Variants in RASA3 observed in about 807,000 individuals in gnomAD.
The protein encoded by RASA3 is ras GTPase-activating protein 3.
RASA3 carries 73 observed loss-of-function variants against 110.0 expected under a neutral mutation model. That is an observed-to-expected ratio of 0.66 (90% CI 0.55 to 0.81). The LOEUF (loss-of-function observed/expected upper bound fraction) is 0.81, where lower values mean the gene tolerates loss of function less well. RASA3 is among the 30% of genes least tolerant of loss of function. The pLI, the probability that RASA3 is intolerant of heterozygous loss-of-function variation, is 0.00. For missense variants in RASA3, 976 were observed against 1,113.2 expected, an observed-to-expected ratio of 0.88 and a Z score of 1.75; for synonymous variants, 500 against 451.4, an observed-to-expected ratio of 1.11 and a Z score of -1.37.
chr13:114,002,342 G>A (rs1344735255), intron 18 of RASA3, among the ~76,000 whole-genome samples: 3 of 152,224 alleles, frequency 2.0e-5, no homozygotes, highest in African/African-American at 7.2e-5. Flanking sequence ...AGGGCGGGGC[G>A]CTGGGAGCCG....
At chr13:114,025,842 C>A (rs916056176) in intron 7 of RASA3, among the ~76,000 whole-genome samples, 4 of 152,334 alleles carry the variant, frequency 2.6e-5, no homozygotes, top group South Asian at 4.1e-4. Flanking sequence ...CCACAGCCCG[C>A]GGGGGATGTG....
chr13:114,044,807 A>C (rs1264169505), intron 3 of RASA3, among the ~76,000 whole-genome samples: 1 of 152,014 alleles, frequency 6.6e-6, no homozygotes, highest in African/African-American at 2.4e-5. Context: ...TCAGTTTTGA[A>C]GTCTGAAGTT....
In RASA3 at chr13:114,115,698, G is replaced by C. The variant is rs370033905; in HGVS notation, c.55+16737C>G. Among the ~76,000 whole-genome samples, 2 of 152,028 alleles carry C rather than the reference G, an allele frequency of 1.3e-5. No individual in the cohort carries two copies. Among genetic ancestry groups the C allele is most frequent in the Non-Finnish European group, 2.9e-5 (2 of 68,010 alleles). ...TTTACCCTACAAACGCTCTCTAACC[G>C]GTCCAGAGGTCAGAAACAGCCGCAG... On this transcript the variant is annotated intron_variant, in intron 1 of 23. Transcript: ENST00000334062. The surrounding 1 kb of genome is among the most constrained non-coding windows in gnomAD (Gnocchi z 5.0).
chr13:114,062,014 G>C (rs2079361332), intron 2 of RASA3, among the ~76,000 whole-genome samples: 1 of 152,090 alleles, frequency 6.6e-6, no homozygotes, highest in African/African-American at 2.4e-5. Context: ...GAAAAGGCGG[G>C]GGTCGGACTG....
chr13:114,043,096 G>A (rs1403825099), intron 3 of RASA3, among the ~76,000 whole-genome samples: 4 of 152,044 alleles, frequency 2.6e-5, no homozygotes, highest in African/African-American at 7.2e-5. Context: ...CTCAGAGCCC[G>A]TGGGCCTGGG....
At position 114,038,325 on chromosome 13, in the gene RASA3, C is replaced by A. The variant is rs943479309; in HGVS notation, c.372+2675G>T. On this transcript the variant is annotated intron_variant, in intron 4 of 23. Coordinates refer to ENST00000334062, the MANE Select transcript of RASA3 (RefSeq NM_007368.4). Reference sequence around the variant, plus strand: ...GGGAAACCCCGCCTTTCTGCCGGGACGCCAAGGTCCGTGGGAGCAGCACGC... The same window carrying A: ...GGGAAACCCCGCCTTTCTGCCGGGAAGCCAAGGTCCGTGGGAGCAGCACGC... Among the ~76,000 whole-genome samples, 3 of 152,260 alleles carry A rather than the reference C, an allele frequency of 2.0e-5. No individual in the cohort carries two copies. The South Asian group carries it at 6.2e-4, about 31-fold the overall frequency.
chr13:114,036,294 T>C (rs1048292186), intron 4 of RASA3: 1 of 152,276 alleles, frequency 6.6e-6, no homozygotes, highest in Non-Finnish European at 1.5e-5. Flanking sequence ...ACAGTGGCCG[T>C]TCCAGAAGGA....
At chr13:114,002,793 C>T (rs1324960970) in intron 18 of RASA3, among the ~76,000 whole-genome samples, 3 of 152,280 alleles carry the variant, frequency 2.0e-5, no homozygotes, top group African/African-American at 4.8e-5. Context: ...GTTTTCTAAC[C>T]GGGCCCATCG....
intron 22 of RASA3, among the ~76,000 whole-genome samples, chr13:113,992,031 A>G (rs1566447948): frequency 6.7e-6 from 1 of 150,252 alleles, no homozygotes; most frequent in Admixed American, 6.6e-5. Flanking sequence ...ACACATCCAC[A>G]CTCATACATG....
intron 1 of RASA3, among the ~76,000 whole-genome samples, chr13:114,082,774 G>A (rs542588211): frequency 1.1e-4 from 16 of 152,204 alleles, no homozygotes; most frequent in Non-Finnish European, 2.4e-4. Context: ...CCCAACAGAG[G>A]TTTAACAACC....
Position 114,015,217 on chromosome 13 carries a change from C to T in RASA3, c.1397G>A (p.Arg466His), listed in dbSNP as rs2274718. 6.1e-5 allele frequency: 98 copies of T among 1,612,872 alleles called. 1 individual carries two copies. In the East Asian group the frequency reaches 1.5e-3, roughly 25 times the overall value. Residue 466 changes from arginine (R) to histidine (H), a missense_variant, in exon 14 of 24, where the codon CGC (arginine) becomes CAC (histidine). This residue lies in a region of RASA3 where 732 missense variants were observed against 779.7 expected (regional missense o/e 0.94). Coordinates refer to ENST00000334062, the MANE Select transcript of RASA3 (RefSeq NM_007368.4). Reference protein sequence around the residue: ...FFSLREAAAKRFQDDPDVRYT... With the variant: ...FFSLREAAAKHFQDDPDVRYT... ...GTGTTCAGGGCACTCACCCTGGAAG[C>T]GCTTGGCCGCCGCCTCCCGGAGGGA...
chr13:114,073,458 TG>T (rs1364787810), intron 2 of RASA3, among the ~76,000 whole-genome samples: 5 of 82,402 alleles, frequency 6.1e-5, no homozygotes, highest in Non-Finnish European at 4.6e-5. Context: ...CATGGGAAAA[TG>T]GGACGGTGAT....
At chr13:114,030,806 C>T (rs981573180) in intron 4 of RASA3, among the ~76,000 whole-genome samples, 3 of 150,004 alleles carry the variant, frequency 2.0e-5, no homozygotes, top group East Asian at 2.0e-4. Flanking sequence ...TATGTGTGTC[C>T]GCCTGTGTCT....
rs1250091690 is a variant in RASA3 at position 114,114,499 on chromosome 13, A to T, written c.55+17936T>A. 6.6e-6 allele frequency among the ~76,000 whole-genome samples: 1 copy of T among 152,214 alleles called. No individual in the cohort carries two copies. Among genetic ancestry groups the T allele is most frequent in the Non-Finnish European group, 1.5e-5 (1 of 68,042 alleles). ...GCTCTGTCAGCCAAAGTGAGGTCTG[A>T]CCACAAAAGCTACCCATTCACTTGC... On this transcript the variant is annotated intron_variant, in intron 1 of 23. Transcript: ENST00000334062. The surrounding 1 kb of genome is among the most constrained non-coding windows in gnomAD (Gnocchi z 4.8).
rs1435031325 is a variant in RASA3 at position 114,018,755 on chromosome 13, A to C, written c.942+8T>G. The C allele has an allele frequency of 6.2e-7, 1 of 1,612,858 alleles. No homozygotes were observed. The highest frequency in any genetic ancestry group is 2.2e-5 in the East Asian group (1 of 44,868). On this transcript the variant is annotated splice_region_variant and intron_variant, in intron 10 of 23. Coordinates refer to ENST00000334062, the MANE Select transcript of RASA3 (RefSeq NM_007368.4). ...CCCACACCCACAGGCCACGGCGTGG[A>C]CAAGCACCTCCACATCCGCAGACTT...
intron 13 of RASA3, 92 bp downstream of exon 13, chr13:114,016,105 G>C (rs926287573): frequency 2.6e-6 from 3 of 1,152,598 alleles, no homozygotes; most frequent in Non-Finnish European, 3.9e-6. Flanking sequence ...CCCCAACCGG[G>C]GTCACGGGGT....
In RASA3 at chr13:113,981,803, C is replaced by A. The variant is rs141575775; in HGVS notation, c.2301G>T (p.Thr767=). ...YDGPEQEEYS[T]FVIDDPQETY... ...TCTCCTGGGGGTCGTCAATGACGAA[C>A]GTCGAATACTCCTCCTGCTCCGGGC... is the stretch of plus-strand genomic sequence containing the variant. The change falls in exon 23 of 24, where the codon ACG becomes ACT. Residue 767 remains threonine (T), a synonymous_variant. Coordinates refer to ENST00000334062, the MANE Select transcript of RASA3 (RefSeq NM_007368.4). 4 of 1,613,888 alleles carry A rather than the reference C, an allele frequency of 2.5e-6. No homozygotes were observed. The African/African-American group carries it at 5.3e-5, about 22-fold the overall frequency.
rs552157126 is a variant in RASA3, at chr13:113,999,650, T to C, written c.1867A>G (p.Ser623Gly). 1.9e-6 allele frequency: 3 copies of C among 1,612,578 alleles called. No homozygotes were observed. Among genetic ancestry groups the C allele is most frequent in the African/African-American group, 2.7e-5 (2 of 74,472 alleles). ...HKSKGDQPLY[S>G]IPIENILAVE... Reference sequence around the variant, plus strand: ...GCCAGGATGTTCTCGATGGGAATGCTGTAGAGAGGCTGGTCCCCTGCAGCA... The same window carrying C: ...GCCAGGATGTTCTCGATGGGAATGCCGTAGAGAGGCTGGTCCCCTGCAGCA... The change falls in exon 20 of 24, where the codon AGC becomes GGC. Residue 623 changes from serine (S) to glycine (G), a missense_variant. Transcript: ENST00000334062.
intron 17 of RASA3, 34 bp from the exon 18 acceptor site, chr13:114,007,640 A>C (rs772419737): frequency 1.3e-6 from 2 of 1,555,812 alleles, no homozygotes; most frequent in African/African-American, 2.7e-5. Context: ...ACCGGGAGGA[A>C]GCCACACATC....
Sources: gnomAD v4.1 joint callset for allele counts (sites outside exome capture counted in the v4.1 genomes callset) on GRCh38, gnomAD v4.1.1 for gene constraint, gnomAD v4.1.1 regional missense constraint, Gnocchi (gnomAD v3.1) non-coding constraint, MANE v1.5 for transcripts, NCBI Gene and HGNC (gene_info 2026-07-23, HGNC 2026-07-21) for gene names.